PCDH11X: variants seen among roughly 807,000 people sequenced by gnomAD.
The protein encoded by PCDH11X is protocadherin-11 X-linked.
PCDH11X carries 18 observed loss-of-function variants against 53.3 expected under a neutral mutation model. That is an observed-to-expected ratio of 0.34 (90% CI 0.23 to 0.50). The LOEUF is 0.50. PCDH11X is among the 20% of genes least tolerant of loss of function. The probability of loss-of-function intolerance (pLI) is 0.98; values close to 1 mark genes in which losing one functional copy is unlikely to be tolerated. For synonymous variants in PCDH11X, 279 were observed against 393.3 expected, an observed-to-expected ratio of 0.71 and a Z score of 3.44; for missense variants, 570 against 1,032.4, an observed-to-expected ratio of 0.55 and a Z score of 6.14.
At chrX:92,588,358 TTG>T (rs1196039315) in intron 10 of PCDH11X, among the ~76,000 whole-genome samples, 130 of 77,762 alleles carry the variant, frequency 1.7e-3, no homozygotes, top group South Asian at 0.015. Context: ...TTTCATATAC[TTG>T]TGTGTGTGTG....
intron 9 of PCDH11X, among the ~76,000 whole-genome samples, chrX:92,396,561 T>C (rs4382641): frequency 0.13 from 13,609 of 101,024 alleles, 1,827 homozygotes; most frequent in East Asian, 0.68. Context: ...ATCCTGCTTT[T>C]GGCCGGGCAC....
chrX:92,072,713 A>T (rs1188291382), intron 6 of PCDH11X, among the ~76,000 whole-genome samples: 1 of 111,210 alleles, frequency 9.0e-6, no homozygotes, highest in Non-Finnish European at 1.9e-5. Context: ...TGTTAAGCAG[A>T]AAGTAGGAGT....
intron 8 of PCDH11X, among the ~76,000 whole-genome samples, chrX:92,359,108 G>T: frequency 9.4e-6 from 1 of 106,511 alleles, no homozygotes. Context: ...TTTTTTTTGT[G>T]CCAAACTGCC....
At chrX:92,088,343 GT>G (rs1261306532) in intron 6 of PCDH11X, among the ~76,000 whole-genome samples, 3 of 110,660 alleles carry the variant, frequency 2.7e-5, no homozygotes, top group Non-Finnish European at 5.7e-5. Context: ...TTATGTCACT[GT>G]TTTAGATAAA....
At chrX:92,447,089 G>T (rs1456723451) in intron 9 of PCDH11X, among the ~76,000 whole-genome samples, 1 of 112,051 alleles carries the variant, frequency 8.9e-6, no homozygotes, top group East Asian at 2.8e-4. Context: ...GCATTCAAGA[G>T]GTGACTTGGG....
At chrX:92,598,250 C>G (rs377182534) in intron 10 of PCDH11X, among the ~76,000 whole-genome samples, 1 of 110,374 alleles carries the variant, frequency 9.1e-6, no homozygotes, top group East Asian at 2.9e-4. Flanking sequence ...GAAGAGACAA[C>G]CCACAGAATG....
At chrX:92,231,071 A>G (rs916275968) in intron 7 of PCDH11X, among the ~76,000 whole-genome samples, 11 of 111,611 alleles carry the variant, frequency 9.9e-5, no homozygotes, top group African/African-American at 3.6e-4. Flanking sequence ...CAAAGACAGC[A>G]GCTTGAGGCA....
chrX:91,843,261 T>TTGTGTG (rs1491364737), intron 5 of PCDH11X, among the ~76,000 whole-genome samples: 56 of 57,416 alleles, frequency 9.8e-4, no homozygotes, highest in African/African-American at 3.8e-3. Flanking sequence ...ACATACATAC[T>TTGTGTG]TATGTGTGTG....
intron 1 of PCDH11X, among the ~76,000 whole-genome samples, chrX:91,802,530 T>G (rs1312081839): frequency 9.0e-6 from 1 of 111,596 alleles, no homozygotes; most frequent in African/African-American, 3.3e-5. Context: ...TTTCCATATA[T>G]TTATTAATGC....
chrX:92,140,341 CTCTT>C (rs1414856317), intron 6 of PCDH11X, among the ~76,000 whole-genome samples: 2 of 111,263 alleles, frequency 1.8e-5, no homozygotes, highest in Non-Finnish European at 3.8e-5. Context: ...AATTTAATCT[CTCTT>C]CAAAAACTTT....
intron 6 of PCDH11X, among the ~76,000 whole-genome samples, chrX:92,132,693 A>G (rs1323165917): frequency 5.4e-5 from 5 of 92,690 alleles, no homozygotes; most frequent in Non-Finnish European, 1.0e-4. Context: ...ATATGTATAT[A>G]TATATATATA....
Position 92,364,153 on chromosome X carries a change from C to T in PCDH11X, c.3145-23582C>T, listed in dbSNP as rs908413719. ...AGCTTTGGAATCATGGTAATGCTTTCCTCATATAATAGTCATGTGCTACTT... is the reference window on the plus strand; with the variant it reads ...AGCTTTGGAATCATGGTAATGCTTTTCTCATATAATAGTCATGTGCTACTT... On this transcript the variant is annotated intron_variant, in intron 8 of 10. Transcript: ENST00000682573. 3.0e-4 allele frequency among the ~76,000 whole-genome samples: 33 copies of T among 111,590 alleles called. 1 individual carries two copies. The highest frequency in any genetic ancestry group is 1.0e-3 in the African/African-American group (31 of 30,741).
At chrX:92,059,309 T>C (rs2063494306) in intron 6 of PCDH11X, among the ~76,000 whole-genome samples, 1 of 111,430 alleles carries the variant, frequency 9.0e-6, no homozygotes, top group Non-Finnish European at 1.9e-5. Flanking sequence ...ATTACATTAT[T>C]TGATCCTCAC....
intron 6 of PCDH11X, among the ~76,000 whole-genome samples, chrX:91,922,308 C>G (rs1228895293): frequency 9.0e-6 from 1 of 111,484 alleles, no homozygotes; most frequent in Non-Finnish European, 1.9e-5. Context: ...GTTAAATGAC[C>G]TGTTGAAGAT....
At chrX:91,869,024 A>G (rs929892983) in intron 5 of PCDH11X, among the ~76,000 whole-genome samples, 2 of 111,801 alleles carry the variant, frequency 1.8e-5, no homozygotes, top group African/African-American at 6.5e-5. Context: ...CAATTTATAC[A>G]TAGAAATAAT....
At chrX:92,508,220 T>G (rs1046459286) in intron 10 of PCDH11X, among the ~76,000 whole-genome samples, 5 of 109,412 alleles carry the variant, frequency 4.6e-5, no homozygotes, top group African/African-American at 1.7e-4. Flanking sequence ...TTTGTTTTTT[T>G]TTGTTGTTTT....
At chrX:92,235,430 A>T (rs1037956625) in intron 7 of PCDH11X, among the ~76,000 whole-genome samples, 3 of 111,484 alleles carry the variant, frequency 2.7e-5, no homozygotes, top group African/African-American at 9.8e-5. Flanking sequence ...TGTAGTATAA[A>T]TAATAATAGA....
chrX:92,450,377 GATAA>G (rs1204611011), intron 9 of PCDH11X, among the ~76,000 whole-genome samples: 15 of 101,600 alleles, frequency 1.5e-4, no homozygotes, highest in East Asian at 3.1e-4. Context: ...ACATATATAT[GATAA>G]ATAAATACTT....
chrX:91,845,843 A>G (rs1344468820), intron 5 of PCDH11X, among the ~76,000 whole-genome samples: 1 of 110,165 alleles, frequency 9.1e-6, no homozygotes, highest in Non-Finnish European at 1.9e-5. Flanking sequence ...GTGTAAGGTA[A>G]CCAGTTTAAT....
Sources: gnomAD v4.1 joint callset for allele counts (sites outside exome capture counted in the v4.1 genomes callset) on GRCh38, gnomAD v4.1.1 for gene constraint, MANE v1.5 for transcripts, NCBI Gene and HGNC (gene_info 2026-07-23, HGNC 2026-07-21) for gene names.